The following CCSER2 variants were observed in gnomAD, a reference collection of about 807,000 sequenced individuals.
CCSER2 encodes the protein coiled-coil serine rich protein 2.
A neutral mutation model predicts 92.3 loss-of-function variants in CCSER2; 46 were observed. The ratio of observed to expected loss-of-function variants is 0.50; its 90% CI spans 0.39 to 0.64. The LOEUF (loss-of-function observed/expected upper bound fraction) is 0.64, where lower values mean the gene tolerates loss of function less well. Ranked by LOEUF, CCSER2 falls within the 30% of genes least tolerant of loss-of-function variation. The pLI is 0.00. For synonymous variants in CCSER2, 433 were observed against 431.4 expected (o/e 1.00, Z -0.04); for missense variants, 1,244 against 1,238.9 (o/e 1.00, Z -0.06).
intron 3 of CCSER2, among the ~76,000 whole-genome samples, chr10:84,413,648 A>T (rs2133373772): frequency 6.6e-6 from 1 of 152,304 alleles, no homozygotes; most frequent in South Asian, 2.1e-4. Context: ...TCCTGTATAT[A>T]TCTATCAGGT....
chr10:84,518,220 CTA>C lies in CCSER2; in HGVS notation c.*3955_*3956del, dbSNP rs1849660282. On this transcript the variant is annotated 3_prime_UTR_variant, in exon 10 of 10. Coordinates refer to ENST00000372088, the MANE Select transcript of CCSER2 (RefSeq NM_001284240.2). ...TCTGATGGTGGGCACCAATCTACAA[CTA>C]TGTCATTAACTGAAGATACATGTTT... is the stretch of plus-strand genomic sequence containing the variant. The C allele has an allele frequency of 6.6e-6, 1 of 152,330 alleles. No homozygotes were observed. The allele number at this position is 152,330 out of a possible 1,614,324, so 9.4% of individuals were successfully genotyped here. A position where few individuals can be genotyped will look rare whatever the true frequency, so the allele number is the denominator to read the frequency against.
At chr10:84,345,414 A>G (rs1844422177) in intron 1 of CCSER2, among the ~76,000 whole-genome samples, 1 of 152,230 alleles carries the variant, frequency 6.6e-6, no homozygotes, top group Non-Finnish European at 1.5e-5. Context: ...GACATTTGGT[A>G]CTGGGACATT....
chr10:84,492,481 C>T (rs922828600), intron 9 of CCSER2, among the ~76,000 whole-genome samples: 21 of 152,072 alleles, frequency 1.4e-4, no homozygotes, highest in African/African-American at 4.6e-4. Flanking sequence ...CATTATGTCA[C>T]CAGCTTGGAT....
At chr10:84,453,952 TCC>T (rs1021457203) in intron 6 of CCSER2, among the ~76,000 whole-genome samples, 1 of 152,188 alleles carries the variant, frequency 6.6e-6, no homozygotes, top group Admixed American at 6.5e-5. Context: ...TGTTTCTCTC[TCC>T]TTTTTACTTG....
At chr10:84,450,905 AAATT>A (rs1845242035) in intron 6 of CCSER2, among the ~76,000 whole-genome samples, 2 of 152,228 alleles carry the variant, frequency 1.3e-5, no homozygotes, top group Admixed American at 1.3e-4. Context: ...AGTGTATAAT[AAATT>A]GTGTGTTGTA....
chr10:84,374,558 C>T (rs1467945059), intron 3 of CCSER2, among the ~76,000 whole-genome samples: 1 of 152,120 alleles, frequency 6.6e-6, no homozygotes, highest in Non-Finnish European at 1.5e-5. Flanking sequence ...GATCTGTTGA[C>T]CAGAACTAAT....
chr10:84,441,525 T>C (rs1844533610), intron 6 of CCSER2, among the ~76,000 whole-genome samples: 1 of 152,110 alleles, frequency 6.6e-6, no homozygotes, highest in South Asian at 2.1e-4. Context: ...GGAATATTTA[T>C]TCAAATTTAT....
At chr10:84,447,247 G>T (rs1844980884) in intron 6 of CCSER2, among the ~76,000 whole-genome samples, 2 of 152,100 alleles carry the variant, frequency 1.3e-5, no homozygotes, top group Non-Finnish European at 2.9e-5. Flanking sequence ...TTTCACATGT[G>T]TGCAAACTTG....
At chr10:84,402,243 G>A (rs759330889) in intron 3 of CCSER2, among the ~76,000 whole-genome samples, 10 of 152,054 alleles carry the variant, frequency 6.6e-5, no homozygotes, top group Non-Finnish European at 1.3e-4. Flanking sequence ...AGTGAATACC[G>A]TATGAGCACT....
At chr10:84,437,806 A>G (rs1165614404) in intron 5 of CCSER2, among the ~76,000 whole-genome samples, 2 of 138,226 alleles carry the variant, frequency 1.4e-5, no homozygotes, top group Non-Finnish European at 3.1e-5. Flanking sequence ...TCCGCCTCCC[A>G]GGTTCAGGGG....
chr10:84,332,950 A>G (rs1843660738), intron 1 of CCSER2, among the ~76,000 whole-genome samples: 2 of 152,202 alleles, frequency 1.3e-5, no homozygotes, highest in Non-Finnish European at 2.9e-5. Flanking sequence ...AAGTTAATAT[A>G]CAACTGAGAT....
chr10:84,331,221 C>G (rs1843544654), intron 1 of CCSER2, among the ~76,000 whole-genome samples: 1 of 152,194 alleles, frequency 6.6e-6, no homozygotes, highest in South Asian at 2.1e-4. Flanking sequence ...GTGTTTTTCA[C>G]TACTCCATGG....
At chr10:84,503,068 C>T (rs565890831) in intron 9 of CCSER2, among the ~76,000 whole-genome samples, 4 of 152,006 alleles carry the variant, frequency 2.6e-5, no homozygotes, top group East Asian at 2.0e-4. Context: ...ACTAAAAATA[C>T]GAAAAATTAG....
chr10:84,339,002 C>T (rs1388346399), intron 1 of CCSER2, among the ~76,000 whole-genome samples: 2 of 152,132 alleles, frequency 1.3e-5, no homozygotes, highest in Non-Finnish European at 2.9e-5. Context: ...CTGATCCATG[C>T]CCCAAGTTTT....
At chr10:84,431,413 G>A (rs2133463395) in intron 5 of CCSER2, among the ~76,000 whole-genome samples, 1 of 151,796 alleles carries the variant, frequency 6.6e-6, no homozygotes, top group South Asian at 2.1e-4. Context: ...ATACATGTAA[G>A]GTTCCTCTAT....
intron 9 of CCSER2, among the ~76,000 whole-genome samples, chr10:84,503,901 C>T (rs1431235537): frequency 6.6e-6 from 1 of 152,146 alleles, no homozygotes; most frequent in East Asian, 1.9e-4. Context: ...TTTATATTGT[C>T]TTACATCTTC....
intron 1 of CCSER2, among the ~76,000 whole-genome samples, chr10:84,330,910 C>G (rs1351758102): frequency 6.6e-6 from 1 of 152,174 alleles, no homozygotes; most frequent in African/African-American, 2.4e-5. Context: ...GGCGCAAAGT[C>G]ACGCAGGTAG....
In CCSER2 at chr10:84,514,273, T is replaced by C; in HGVS notation, c.*6T>C. The C allele has an allele frequency of 6.6e-7, 1 of 1,518,528 alleles. No homozygotes were observed. The highest frequency in any genetic ancestry group is 8.8e-7 in the Non-Finnish European group (1 of 1,132,854). The allele number at this position is 1,518,528 out of a possible 1,614,324, so 94.1% of individuals were successfully genotyped here. On this transcript the variant is annotated 3_prime_UTR_variant, in exon 10 of 10. Transcript: ENST00000372088. ...CTAAACCAAAGATACATTAAGTACA[T>C]AGCCATCACCTGCCAATTTGTTTCT...
At chr10:84,477,500 C>G (rs918746293) in intron 8 of CCSER2, 75 bp from the exon 9 acceptor site, 7 of 691,930 alleles carry the variant, frequency 1.0e-5, no homozygotes, top group Non-Finnish European at 1.7e-5. Flanking sequence ...ATGTGTTTTC[C>G]TAAAGTTTCT....
Sources: gnomAD v4.1 joint callset for allele counts (sites outside exome capture counted in the v4.1 genomes callset) on GRCh38, gnomAD v4.1.1 for gene constraint, MANE v1.5 for transcripts, NCBI Gene and HGNC (gene_info 2026-07-23, HGNC 2026-07-21) for gene names.